Variants in AGAP1 observed in about 807,000 individuals in gnomAD.
AGAP1 encodes arf-GAP with GTPase, ANK repeat and PH domain-containing protein 1.
AGAP1 carries 29 observed loss-of-function variants against 105.3 expected under a neutral mutation model. That is an observed-to-expected ratio of 0.28 (90% CI 0.21 to 0.38). The LOEUF is 0.38. Among genes scored for constraint, AGAP1 ranks in the 10% least tolerant of loss-of-function variants. The probability of loss-of-function intolerance (pLI) is 1.00; values close to 1 mark genes in which losing one functional copy is unlikely to be tolerated. For synonymous variants in AGAP1, 509 were observed against 485.9 expected (o/e 1.05, Z -0.63); for missense variants, 998 against 1,165.1 (o/e 0.86, Z 2.09).
At chr2:235,527,586 G>C (rs907753832) in intron 1 of AGAP1, among the ~76,000 whole-genome samples, 1 of 151,982 alleles carries the variant, frequency 6.6e-6, no homozygotes, top group African/African-American at 2.4e-5. Context: ...ACGAGGTCTC[G>C]CTCTGTTGTC....
At chr2:235,604,315 A>G (rs1207540911) in intron 1 of AGAP1, among the ~76,000 whole-genome samples, 3 of 151,844 alleles carry the variant, frequency 2.0e-5, no homozygotes, top group African/African-American at 7.3e-5. Flanking sequence ...CCCCGCCTAT[A>G]CAACAGATTT....
rs868310126 is a variant in AGAP1 at position 236,003,385 on chromosome 2, C to T, written c.1646-33176C>T. Among the ~76,000 whole-genome samples, 2 of 152,140 alleles carry T rather than the reference C, an allele frequency of 1.3e-5. No individual in the cohort carries two copies. Among genetic ancestry groups the T allele is most frequent in the Non-Finnish European group, 1.5e-5 (1 of 68,016 alleles). The stretch of plus-strand genomic sequence containing the variant: ...TCATGGGTCTTTGTCCTTTGGAGGG[C>T]CTTGACCTCACGCAGCAGGGGAGGA... On this transcript the variant is annotated intron_variant, in intron 13 of 17. Transcript: ENST00000304032. This position sits in a 1 kb window ranked among gnomAD's most constrained non-coding sequence, Gnocchi z 4.2.
chr2:235,851,743 G>A (rs2048469573), intron 9 of AGAP1, among the ~76,000 whole-genome samples: 1 of 152,094 alleles, frequency 6.6e-6, no homozygotes, highest in Non-Finnish European at 1.5e-5. Flanking sequence ...TTGACTGCTC[G>A]CCATAAAAAT....
intron 1 of AGAP1, among the ~76,000 whole-genome samples, chr2:235,657,990 C>T (rs1947829082): frequency 6.6e-6 from 1 of 152,230 alleles, no homozygotes; most frequent in African/African-American, 2.4e-5. Flanking sequence ...CCTGTCCACA[C>T]TGTGCTGATC....
intron 1 of AGAP1, chr2:235,670,247 G>T: frequency 1.8e-6 from 1 of 551,882 alleles, no homozygotes; most frequent in Non-Finnish European, 3.3e-6. Flanking sequence ...CGGCGGCCCG[G>T]ACCCACGCCC....
At chr2:236,066,297 T>A (rs2058344375) in intron 16 of AGAP1, among the ~76,000 whole-genome samples, 1 of 152,146 alleles carries the variant, frequency 6.6e-6, no homozygotes, top group Non-Finnish European at 1.5e-5. Context: ...ACAATCTCAG[T>A]TCACTGCAAC....
chr2:235,602,217 G>T (rs1315504974), intron 1 of AGAP1, among the ~76,000 whole-genome samples: 1 of 152,198 alleles, frequency 6.6e-6, no homozygotes, highest in Non-Finnish European at 1.5e-5. Flanking sequence ...TCATATTTCA[G>T]CGAGCACAAA....
At position 235,701,753 on chromosome 2, in the gene AGAP1, C is replaced by T. The variant is rs1314751431; in HGVS notation, c.164-7426C>T. Among the ~76,000 whole-genome samples the T allele has an allele frequency of 6.6e-6, 1 of 152,142 alleles. No individual in the cohort carries two copies. Among genetic ancestry groups the T allele is most frequent in the Non-Finnish European group, 1.5e-5 (1 of 68,044 alleles). On this transcript the variant is annotated intron_variant, in intron 1 of 17. Coordinates refer to ENST00000304032, the MANE Select transcript of AGAP1 (RefSeq NM_001037131.3). This position sits in a 1 kb window ranked among gnomAD's most constrained non-coding sequence, Gnocchi z 4.1. The stretch of plus-strand genomic sequence containing the variant: ...CAGTTTGCAGCGGGCTCTTTTCCGG[C>T]TGCGTTGAAATGGATTTCTTTATTC...
At chr2:236,017,106 C>T (rs748051587) in intron 13 of AGAP1, among the ~76,000 whole-genome samples, 3 of 151,416 alleles carry the variant, frequency 2.0e-5, no homozygotes, top group Admixed American at 6.6e-5. Flanking sequence ...CTGGCCAACA[C>T]GGTGAAACCC....
Position 235,865,553 on chromosome 2 carries a change from G to C in AGAP1, c.1051-17792G>C, listed in dbSNP as rs2049126570. Among the ~76,000 whole-genome samples, 1 of 152,178 alleles carries C rather than the reference G, an allele frequency of 6.6e-6. No homozygotes were observed. The highest frequency in any genetic ancestry group is 1.5e-5 in the Non-Finnish European group (1 of 68,032). On this transcript the variant is annotated intron_variant, in intron 9 of 17. Transcript: ENST00000304032. The surrounding 1 kb of genome is among the most constrained non-coding windows in gnomAD (Gnocchi z 6.2). ...AGGGGAGGGGGTCTTTGGGGAGCTG[G>C]TTAAAGATCCAGAATCGGCCCCTCG...
intron 1 of AGAP1, among the ~76,000 whole-genome samples, chr2:235,616,229 C>A (rs898211274): frequency 6.6e-6 from 1 of 151,650 alleles, no homozygotes; most frequent in Non-Finnish European, 1.5e-5. Context: ...GGTGTGGTGA[C>A]GTGCACCTGT....
In AGAP1 at chr2:235,882,300, C is replaced by T; in HGVS notation, c.1051-1045C>T. The T allele has an allele frequency of 1.4e-6, 1 of 695,662 alleles. No homozygotes were observed. The highest frequency in any genetic ancestry group is 2.4e-6 in the Non-Finnish European group (1 of 419,598). 43.1% of individuals were successfully genotyped at this position (695,662 alleles called of 1,614,324 possible). On this transcript the variant is annotated intron_variant, in intron 9 of 17. Coordinates refer to ENST00000304032, the MANE Select transcript of AGAP1 (RefSeq NM_001037131.3). This position sits in a 1 kb window ranked among gnomAD's most constrained non-coding sequence, Gnocchi z 4.6. The stretch of plus-strand genomic sequence containing the variant: ...TGGCTCGTGTCCATCTTGCAGGTCG[C>T]TCTTCCTCCACATCACAACTGGGGT...
rs922092108 is a variant in AGAP1, at chr2:236,056,751, G to A, written c.2114+7470G>A. 3.3e-5 allele frequency among the ~76,000 whole-genome samples: 5 copies of A among 152,056 alleles called. No homozygotes were observed. The highest frequency in any genetic ancestry group is 1.9e-4 in the East Asian group (1 of 5,180). On this transcript the variant is annotated intron_variant, in intron 16 of 17. Coordinates refer to ENST00000304032, the MANE Select transcript of AGAP1 (RefSeq NM_001037131.3). The surrounding 1 kb of genome is among the most constrained non-coding windows in gnomAD (Gnocchi z 4.6). ...CAAAAACATGGCCGGAGCACACAGC[G>A]CCCTGTGTGCTTGGATTATCCCCAT...
chr2:235,779,883 A>T (rs1001351655), intron 6 of AGAP1, among the ~76,000 whole-genome samples: 1 of 152,216 alleles, frequency 6.6e-6, no homozygotes, highest in Non-Finnish European at 1.5e-5. Flanking sequence ...CTGCTTTGTA[A>T]AGGGCAGCAG....
rs1468213763 is a variant in AGAP1, at chr2:236,109,621, G to T, written c.2115-10571G>T. On this transcript the variant is annotated intron_variant, in intron 16 of 17. Coordinates refer to ENST00000304032, the MANE Select transcript of AGAP1 (RefSeq NM_001037131.3). This position sits in a 1 kb window ranked among gnomAD's most constrained non-coding sequence, Gnocchi z 5.4. The stretch of plus-strand genomic sequence containing the variant: ...AATGTCCTAGTCGGCAGCAGTGTCG[G>T]TGTTCTAGACCGGCAGCCGTGGGAA... Among the ~76,000 whole-genome samples the T allele has an allele frequency of 6.6e-6, 1 of 152,168 alleles. No homozygotes were observed. Among genetic ancestry groups the T allele is most frequent in the African/African-American group, 2.4e-5 (1 of 41,448 alleles).
At chr2:235,503,287 A>T (rs2149006137) in intron 1 of AGAP1, among the ~76,000 whole-genome samples, 1 of 152,284 alleles carries the variant, frequency 6.6e-6, no homozygotes, top group East Asian at 1.9e-4. Context: ...CATATTTTCC[A>T]GGGAGGGCGT....
chr2:235,880,215 C>G (rs1039137870), intron 9 of AGAP1, among the ~76,000 whole-genome samples: 3 of 151,906 alleles, frequency 2.0e-5, no homozygotes, highest in Non-Finnish European at 4.4e-5. Context: ...GTCCTCGTAG[C>G]CTTCACTGGG....
chr2:236,122,775 C>T (rs62189434), intron 17 of AGAP1, among the ~76,000 whole-genome samples: 18,060 of 149,928 alleles, frequency 0.12, 1,242 homozygotes, highest in Middle Eastern at 0.21. Flanking sequence ...CTCTGCCTCC[C>T]GGGTTCAAGC....
chr2:235,497,565 C>T (rs1381101204), intron 1 of AGAP1, among the ~76,000 whole-genome samples: 1 of 152,228 alleles, frequency 6.6e-6, no homozygotes, highest in African/African-American at 2.4e-5. Flanking sequence ...TGGGGTCTGA[C>T]TTCCCAAGCT....
Sources: allele counts gnomAD v4.1 joint callset (sites outside exome capture counted in the v4.1 genomes callset), GRCh38; gene constraint gnomAD v4.1.1; non-coding constraint Gnocchi (gnomAD v3.1); transcripts MANE v1.5; gene names NCBI Gene and HGNC (gene_info 2026-07-23, HGNC 2026-07-21).